ANKRD11: variants seen among roughly 807,000 people sequenced by gnomAD.
ANKRD11 encodes the protein ankyrin repeat domain 11, also known as ankyrin repeat domain-containing protein 11.
A neutral mutation model predicts 195.7 loss-of-function variants in ANKRD11; 17 were observed. The observed-to-expected ratio is 0.09, with a 90% CI of 0.06 to 0.13. ANKRD11 has a LOEUF of 0.13. Among genes scored for constraint, ANKRD11 ranks in the 10% least tolerant of loss-of-function variants. The probability of loss-of-function intolerance (pLI) is 1.00; values close to 1 mark genes in which losing one functional copy is unlikely to be tolerated. For synonymous variants in ANKRD11, 1,953 were observed against 1,528.1 expected (o/e 1.28, Z -6.49); for missense variants, 3,735 against 3,566.1 (o/e 1.05, Z -1.21).
chr16:89,369,579 T>C (rs1451197590), intron 2 of ANKRD11, among the ~76,000 whole-genome samples: 1 of 151,924 alleles, frequency 6.6e-6, no homozygotes, highest in East Asian at 1.9e-4. Flanking sequence ...ACAAGACTAG[T>C]GGTTGCCAGG....
At chr16:89,300,084 G>C (rs1373699220) in intron 4 of ANKRD11, 1 of 215,786 alleles carries the variant, frequency 4.6e-6, no homozygotes, top group Non-Finnish European at 8.9e-6. Context: ...CGTGGGGTCT[G>C]TGCCCTGTGT....
At chr16:89,438,682 A>G (rs2152286787) in intron 1 of ANKRD11, among the ~76,000 whole-genome samples, 1 of 152,276 alleles carries the variant, frequency 6.6e-6, no homozygotes, top group East Asian at 1.9e-4. Context: ...GACAGTTTGG[A>G]AGGCATTGCC....
chr16:89,487,622 A>T (rs957244500), intron 1 of ANKRD11, among the ~76,000 whole-genome samples: 11 of 152,058 alleles, frequency 7.2e-5, no homozygotes, highest in African/African-American at 2.7e-4. Flanking sequence ...AAAAATACAA[A>T]AATTAGCCAG....
Position 89,320,525 on chromosome 16 carries a change from C to T in ANKRD11, c.-59-3447G>A, listed in dbSNP as rs1476240497. Among the ~76,000 whole-genome samples, 4 of 152,126 alleles carry T rather than the reference C, an allele frequency of 2.6e-5. No individual in the cohort carries two copies. The East Asian group carries it at 5.8e-4, about 22-fold the overall frequency. On this transcript the variant is annotated intron_variant, in intron 2 of 12. Coordinates refer to ENST00000301030, the MANE Select transcript of ANKRD11 (RefSeq NM_013275.6). ...GGGCCGGCCAGCACCTGGCCCTGAC[C>T]GCCCCCAGGCCACGCATTCCTTGTT...
chr16:89,276,343 C>A (rs1364217421), intron 9 of ANKRD11, among the ~76,000 whole-genome samples: 1 of 152,190 alleles, frequency 6.6e-6, no homozygotes, highest in African/African-American at 2.4e-5. Context: ...CAGCGATGCG[C>A]ATGGACAATG....
chr16:89,284,580 C>T lies in ANKRD11; in HGVS notation c.1962G>A (p.Leu654=). 6.2e-7 allele frequency: 1 copy of T among 1,614,152 alleles called. No individual in the cohort carries two copies. Among genetic ancestry groups the T allele is most frequent in the Non-Finnish European group, 8.5e-7 (1 of 1,180,046 alleles). Reference sequence around the variant, plus strand: ...CCTCATATTCGTAAGTAAAACTTTTCAACTTCAGCTCTTGGCTGATGGAAC... The same window carrying T: ...CCTCATATTCGTAAGTAAAACTTTTTAACTTCAGCTCTTGGCTGATGGAAC... ...GQCSISQELK[L]KSFTYEYEDS... is the part of the protein sequence containing the mutation. The change falls in exon 9 of 13, where the codon TTG becomes TTA. Residue 654 remains leucine (L), a synonymous_variant. Transcript: ENST00000301030.
intron 1 of ANKRD11, among the ~76,000 whole-genome samples, chr16:89,432,998 TCA>T (rs142049824): frequency 2.3e-4 from 32 of 140,052 alleles, no homozygotes; most frequent in East Asian, 4.2e-4. Context: ...CTCCTCTCTC[TCA>T]CACACACACA....
intron 2 of ANKRD11, among the ~76,000 whole-genome samples, chr16:89,358,506 C>T (rs1011461759): frequency 1.3e-5 from 2 of 152,224 alleles, no homozygotes; most frequent in African/African-American, 4.8e-5. Flanking sequence ...GATGGATACC[C>T]CGTTTTCCAT....
chr16:89,283,902 C>G lies in ANKRD11; in HGVS notation c.2640G>C (p.Thr880=). Reference sequence around the variant, plus strand: ...TCCTCTCCTTGCTGTCCTCCTTCACCGTCTCCAAGATGAGCTTGGCCACAG... The same window carrying G: ...TCCTCTCCTTGCTGTCCTCCTTCACGGTCTCCAAGATGAGCTTGGCCACAG... ...SDSVAKLILE[T]VKEDSKERRR... The change falls in exon 9 of 13, where the codon ACG becomes ACC. Residue 880 remains threonine, a synonymous_variant. Transcript: ENST00000301030. This position sits in a 1 kb window ranked among gnomAD's most constrained non-coding sequence, Gnocchi z 4.3. 1 of 1,614,156 alleles carries G rather than the reference C, an allele frequency of 6.2e-7. No homozygotes were observed. Among genetic ancestry groups the G allele is most frequent in the Non-Finnish European group, 8.5e-7 (1 of 1,180,040 alleles).
intron 2 of ANKRD11, among the ~76,000 whole-genome samples, chr16:89,415,333 C>T (rs2042254265): frequency 7.0e-6 from 1 of 142,070 alleles, no homozygotes; most frequent in Admixed American, 7.4e-5. Flanking sequence ...GGTGCGATCT[C>T]GGTTTACTGC....
chr16:89,304,563 C>T (rs1451496811), intron 4 of ANKRD11, among the ~76,000 whole-genome samples: 2 of 150,780 alleles, frequency 1.3e-5, no homozygotes, highest in East Asian at 3.9e-4. Flanking sequence ...CACGGGCACA[C>T]ACATACATGG....
In ANKRD11 at chr16:89,291,016, G is replaced by C; in HGVS notation, c.394C>G (p.Pro132Ala). The C allele has an allele frequency of 6.2e-7, 1 of 1,611,406 alleles. No homozygotes were observed. Among genetic ancestry groups the C allele is most frequent in the Non-Finnish European group, 8.5e-7 (1 of 1,179,818 alleles). The part of the protein sequence containing the change: ...QMTAEESANS[P>A]VDTTPKHPSQ... The stretch of plus-strand genomic sequence containing the variant: ...ACCACCCACAGGCCGGGCTCACCTG[G>C]GCTGTTGGCAGACTCCTCGGCCGTC... Residue 132 changes from proline (P) to alanine (A), a missense_variant, in exon 5 of 13, where the codon CCA becomes GCA. Pro to Ala is a conservative substitution (Grantham distance 27). Transcript: ENST00000301030. The surrounding 1 kb of genome is among the most constrained non-coding windows in gnomAD (Gnocchi z 5.3).
intron 2 of ANKRD11, among the ~76,000 whole-genome samples, chr16:89,376,448 G>A (rs1341159267): frequency 1.3e-5 from 2 of 152,106 alleles, no homozygotes; most frequent in East Asian, 1.9e-4. Context: ...TTTTGTTTTT[G>A]TTTTTTTGAG....
intron 9 of ANKRD11, among the ~76,000 whole-genome samples, 182 bp from the exon 10 acceptor site, chr16:89,275,373 C>G (rs1246023928): frequency 1.3e-5 from 2 of 152,226 alleles, no homozygotes; most frequent in Non-Finnish European, 2.9e-5. Context: ...ATGTGCTGGA[C>G]GCGGGAGAGC....
At chr16:89,318,655 C>G (rs1274207408) in intron 2 of ANKRD11, among the ~76,000 whole-genome samples, 1 of 152,248 alleles carries the variant, frequency 6.6e-6, no homozygotes, top group Non-Finnish European at 1.5e-5. Context: ...TGGACGCAGG[C>G]TTGGCTGAGA....
chr16:89,358,137 T>G (rs1316986907), intron 2 of ANKRD11, among the ~76,000 whole-genome samples: 4 of 152,198 alleles, frequency 2.6e-5, no homozygotes, highest in African/African-American at 9.6e-5. Flanking sequence ...CCAGGGTGGC[T>G]GGAGATGCTG....
intron 2 of ANKRD11, among the ~76,000 whole-genome samples, chr16:89,343,487 G>A (rs933809454): frequency 1.1e-4 from 16 of 152,330 alleles, no homozygotes; most frequent in African/African-American, 3.6e-4. Flanking sequence ...AACACATAAT[G>A]TATGTGTGAG....
chr16:89,343,718 G>A (rs2038804154), intron 2 of ANKRD11: 1 of 152,288 alleles, frequency 6.6e-6, no homozygotes, highest in South Asian at 2.1e-4. Context: ...TATTACAGAT[G>A]AGTCACAGCT....
At position 89,284,080 on chromosome 16, in the gene ANKRD11, T is replaced by A; in HGVS notation, c.2462A>T (p.Asn821Ile). Residue 821 changes from asparagine (N) to isoleucine (I), a missense_variant, in exon 9 of 13, where the codon AAT becomes ATT. Transcript: ENST00000301030. ...GGTGTCTTCATTCTCCAGAAACTGA[T>A]TTTTGTTACAATATTCGTCAAAAGC... ...DSAFDEYCNKNQFLENEDTKF... is the reference protein window; with the variant it reads ...DSAFDEYCNKIQFLENEDTKF... 5.0e-6 allele frequency: 8 copies of A among 1,614,130 alleles called. No individual in the cohort carries two copies. Among genetic ancestry groups the A allele is most frequent in the Non-Finnish European group, 6.8e-6 (8 of 1,179,984 alleles).
Sources: gnomAD v4.1 joint callset for allele counts (sites outside exome capture counted in the v4.1 genomes callset) on GRCh38, gnomAD v4.1.1 for gene constraint, Gnocchi (gnomAD v3.1) non-coding constraint, MANE v1.5 for transcripts, NCBI Gene and HGNC (gene_info 2026-07-23, HGNC 2026-07-21) for gene names.